SPAG16: variants seen among roughly 807,000 people sequenced by gnomAD.
SPAG16 encodes the protein sperm associated antigen 16.
In SPAG16, 86 loss-of-function variants were observed where a neutral mutation model predicts 80.4. That is an observed-to-expected ratio of 1.07 (90% CI 0.90 to 1.28). The LOEUF is 1.28. SPAG16 is among the 50% of genes most tolerant of loss of function. The probability of loss-of-function intolerance (pLI) is 0.00; values close to 1 mark genes in which losing one functional copy is unlikely to be tolerated. For missense variants in SPAG16, 870 were observed against 765.3 expected (o/e 1.14, Z -1.61); for synonymous variants, 294 against 265.9 (o/e 1.11, Z -1.03).
chr2:213,693,662 A>G (rs1233647025), intron 10 of SPAG16, among the ~76,000 whole-genome samples: 1 of 152,210 alleles, frequency 6.6e-6, no homozygotes, highest in Non-Finnish European at 1.5e-5. Flanking sequence ...TACTAAGTCA[A>G]GTCAACAGTG....
chr2:213,909,501 A>C (rs2077570863), intron 11 of SPAG16, among the ~76,000 whole-genome samples: 1 of 152,240 alleles, frequency 6.6e-6, no homozygotes, highest in Admixed American at 6.5e-5. Flanking sequence ...AGTAACCAAA[A>C]CAGCATGGTA....
chr2:213,862,344 C>T, intron 10 of SPAG16, 141 bp from the exon 11 acceptor site: 2 of 996,688 alleles, frequency 2.0e-6, no homozygotes, highest in South Asian at 3.2e-5. Flanking sequence ...GCAGAACCTG[C>T]TTCCTCTTAT....
chr2:214,365,967 T>C (rs1051588618), intron 15 of SPAG16, among the ~76,000 whole-genome samples: 2 of 151,102 alleles, frequency 1.3e-5, no homozygotes. Flanking sequence ...TCAGAACGAT[T>C]CTATTTGCCA....
intron 9 of SPAG16, among the ~76,000 whole-genome samples, chr2:213,424,393 T>A (rs1409041834): frequency 6.6e-6 from 1 of 152,208 alleles, no homozygotes; most frequent in Non-Finnish European, 1.5e-5. Flanking sequence ...ACATTTATTT[T>A]TTAAACCCGA....
intron 15 of SPAG16, among the ~76,000 whole-genome samples, chr2:214,282,821 T>C (rs1442938531): frequency 1.3e-5 from 2 of 152,146 alleles, no homozygotes; most frequent in Non-Finnish European, 2.9e-5. Context: ...TAATATCCAG[T>C]CCAAAACTGT....
At chr2:213,918,693 T>G (rs191894768) in intron 11 of SPAG16, among the ~76,000 whole-genome samples, 1 of 152,324 alleles carries the variant, frequency 6.6e-6, no homozygotes, top group Non-Finnish European at 1.5e-5. Flanking sequence ...CATGTGGAAC[T>G]GTGAGTCTAT....
intron 10 of SPAG16, among the ~76,000 whole-genome samples, chr2:213,656,261 G>GCT (rs2063219174): frequency 6.6e-6 from 1 of 152,210 alleles, no homozygotes; most frequent in South Asian, 2.1e-4. Flanking sequence ...CTCACTGCAA[G>GCT]CTCTGTCTCC....
chr2:214,127,633 T>C (rs1379863215), intron 14 of SPAG16, among the ~76,000 whole-genome samples: 1 of 151,922 alleles, frequency 6.6e-6, no homozygotes, highest in Non-Finnish European at 1.5e-5. Context: ...CAATGCATTT[T>C]ATTTTGTTTA....
chr2:213,379,220 C>G (rs2067042550), intron 9 of SPAG16, among the ~76,000 whole-genome samples: 1 of 152,168 alleles, frequency 6.6e-6, no homozygotes, highest in South Asian at 2.1e-4. Flanking sequence ...GCCACTTCCA[C>G]TTCCACCCCT....
chr2:213,833,107 A>G (rs1294076754), intron 10 of SPAG16, among the ~76,000 whole-genome samples: 2 of 151,722 alleles, frequency 1.3e-5, no homozygotes, highest in Non-Finnish European at 2.9e-5. Context: ...TTCTTTCTGG[A>G]AACCACACTT....
chr2:213,765,120 C>G (rs749437944), intron 10 of SPAG16, among the ~76,000 whole-genome samples: 4 of 152,234 alleles, frequency 2.6e-5, no homozygotes, highest in Non-Finnish European at 5.9e-5. Flanking sequence ...GTAATCCCAG[C>G]ACTTTGGGAA....
intron 10 of SPAG16, among the ~76,000 whole-genome samples, chr2:213,793,240 C>T (rs1260776302): frequency 6.6e-6 from 1 of 151,812 alleles, no homozygotes; most frequent in African/African-American, 2.4e-5. Flanking sequence ...CTAGTATTTT[C>T]ATTGAGTTTT....
chr2:214,368,607 G>A (rs1419196791), intron 15 of SPAG16, among the ~76,000 whole-genome samples: 1 of 151,740 alleles, frequency 6.6e-6, no homozygotes, highest in Non-Finnish European at 1.5e-5. Context: ...ACAACCTCTG[G>A]GCCATCCTTC....
intron 11 of SPAG16, among the ~76,000 whole-genome samples, chr2:213,893,660 C>T (rs1373494363): frequency 1.3e-5 from 2 of 151,694 alleles, no homozygotes; most frequent in East Asian, 3.9e-4. Context: ...TCTAAGATAA[C>T]TTGTCATATC....
chr2:214,280,849 G>T (rs1692872491), intron 15 of SPAG16: 2 of 428,880 alleles, frequency 4.7e-6, no homozygotes, highest in Non-Finnish European at 8.9e-6. Context: ...TTTATATATT[G>T]AGAGGATTGT....
intron 10 of SPAG16, among the ~76,000 whole-genome samples, chr2:213,627,882 T>C (rs957478358): frequency 1.3e-5 from 2 of 152,234 alleles, no homozygotes; most frequent in Admixed American, 1.3e-4. Flanking sequence ...CGTGAGTGCT[T>C]CGCAGCATCA....
intron 9 of SPAG16, among the ~76,000 whole-genome samples, chr2:213,464,423 G>A (rs1439780721): frequency 6.6e-6 from 1 of 152,170 alleles, no homozygotes; most frequent in African/African-American, 2.4e-5. Flanking sequence ...GTCCCCCTGG[G>A]TGACAGCAAC....
intron 13 of SPAG16, among the ~76,000 whole-genome samples, chr2:214,022,739 T>A (rs997938099): frequency 6.6e-6 from 1 of 151,890 alleles, no homozygotes; most frequent in Non-Finnish European, 1.5e-5. Context: ...TGTCTTACCA[T>A]GGTGTTTCTT....
intron 11 of SPAG16, among the ~76,000 whole-genome samples, chr2:213,879,919 A>G (rs772447359): frequency 6.6e-6 from 1 of 152,210 alleles, no homozygotes; most frequent in Non-Finnish European, 1.5e-5. Flanking sequence ...TTTCTTTGCT[A>G]TTGTGAAAAG....
Sources: gnomAD v4.1 joint callset for allele counts (sites outside exome capture counted in the v4.1 genomes callset) on GRCh38, gnomAD v4.1.1 for gene constraint, MANE v1.5 for transcripts, NCBI Gene and HGNC (gene_info 2026-07-23, HGNC 2026-07-21) for gene names.